Variants in DSTN observed in about 807,000 individuals in gnomAD.
The protein encoded by DSTN is destrin, actin depolymerizing factor.
A neutral mutation model predicts 16.8 loss-of-function variants in DSTN; 10 were observed. That is an observed-to-expected ratio of 0.60 (90% CI 0.37 to 1.01). The LOEUF (loss-of-function observed/expected upper bound fraction) is 1.01. DSTN is among the 50% of genes least tolerant of loss of function. The pLI, the probability that DSTN is intolerant of heterozygous loss-of-function variation, is 0.01. For missense variants in DSTN, 141 were observed against 196.7 expected (o/e 0.72, Z 1.69); for synonymous variants, 57 against 58.9 (o/e 0.97, Z 0.14).
At position 17,608,819 on chromosome 20, in the gene DSTN, T is replaced by TA. The variant is rs2035669916; in HGVS notation, c.*1674dup. The TA allele has an allele frequency of 6.6e-6, 1 of 152,256 alleles. No individual in the cohort carries two copies. The highest frequency in any genetic ancestry group is 6.5e-5 in the Admixed American group (1 of 15,286). The allele number at this position is 152,256 out of a possible 1,614,324, so 9.4% of individuals were successfully genotyped here. On this transcript the variant is annotated 3_prime_UTR_variant, in exon 4 of 4. Coordinates refer to ENST00000246069, the MANE Select transcript of DSTN (RefSeq NM_006870.4). ...TGCCATCACATGGTTAGCATTTTGA[T>TA]ACACAGCTGTGCATTATTACATGTC...
At chr20:17,606,943 G>A in intron 3 of DSTN, 94 bp from the exon 4 acceptor site, 1 of 1,213,136 alleles carries the variant, frequency 8.2e-7, no homozygotes, top group Non-Finnish European at 1.2e-6. Context: ...AGTTTATCCA[G>A]ATTAGAACTG....
chr20:17,588,042 T>C (rs1490616220), intron 1 of DSTN, among the ~76,000 whole-genome samples: 1 of 152,214 alleles, frequency 6.6e-6, no homozygotes, highest in East Asian at 1.9e-4. Flanking sequence ...CTTGCTTTTT[T>C]TCTCTTGCAC....
intron 1 of DSTN, among the ~76,000 whole-genome samples, chr20:17,574,860 C>CTT (rs1410531139): frequency 1.3e-4 from 9 of 67,204 alleles, no homozygotes; most frequent in African/African-American, 3.8e-4. Flanking sequence ...TTTTTCTTTT[C>CTT]TTTTCTTTTG....
chr20:17,604,433 A>G, intron 2 of DSTN, 122 bp from the exon 3 acceptor site: 2 of 1,021,040 alleles, frequency 2.0e-6, no homozygotes, highest in Admixed American at 2.8e-5. Context: ...TGCAGTTAAG[A>G]AAAAATATCT....
At chr20:17,583,858 T>C (rs1306383169) in intron 1 of DSTN, among the ~76,000 whole-genome samples, 1 of 142,436 alleles carries the variant, frequency 7.0e-6, no homozygotes, top group African/African-American at 2.5e-5. Context: ...CACCTCAGCC[T>C]CCTGAATAGC....
intron 1 of DSTN, among the ~76,000 whole-genome samples, chr20:17,583,730 A>ATTTTTTT (rs2035371842): frequency 3.1e-5 from 1 of 31,790 alleles, no homozygotes; most frequent in African/African-American, 7.8e-5. Context: ...ATGGGTTTGG[A>ATTTTTTT]GTTTCTTTTT....
At chr20:17,586,223 C>T (rs1568733732) in intron 1 of DSTN, among the ~76,000 whole-genome samples, 1 of 152,190 alleles carries the variant, frequency 6.6e-6, no homozygotes, top group Non-Finnish European at 1.5e-5. Context: ...CTATTGCACA[C>T]TTGATAGACT....
chr20:17,588,980 A>C (rs2035441882), intron 1 of DSTN, among the ~76,000 whole-genome samples: 1 of 152,146 alleles, frequency 6.6e-6, no homozygotes, highest in South Asian at 2.1e-4. Flanking sequence ...TCTCCAGAGA[A>C]TAAACTCCAG....
intron 1 of DSTN, chr20:17,599,447 C>T (rs1034204119): frequency 1.3e-5 from 2 of 152,298 alleles, no homozygotes; most frequent in African/African-American, 2.4e-5. Context: ...GGTCACTCCA[C>T]AGGTCCCTTT....
chr20:17,571,308 C>T (rs1271565151), intron 1 of DSTN, among the ~76,000 whole-genome samples: 1 of 152,204 alleles, frequency 6.6e-6, no homozygotes, highest in African/African-American at 2.4e-5. Context: ...CAGTTGGTAC[C>T]AGCTTATCTG....
chr20:17,588,480 G>C (rs867367317), intron 1 of DSTN, among the ~76,000 whole-genome samples: 1 of 152,116 alleles, frequency 6.6e-6, no homozygotes, highest in Non-Finnish European at 1.5e-5. Context: ...CTAAATTGAG[G>C]GGAATAAAAA....
At chr20:17,596,657 C>T in intron 1 of DSTN, 1 of 985,342 alleles carries the variant, frequency 1.0e-6, no homozygotes, top group Non-Finnish European at 1.2e-6. Flanking sequence ...AGTTTCTGTG[C>T]CAGTTTCTCC....
Position 17,584,350 on chromosome 20 carries a change from T to TA in DSTN, c.3+14146dup, listed in dbSNP as rs202066726. ...CAAAAAGGTGTGTGTATTTCTAATA[T>TA]AAAAAAATATGCTTACCTGCAGGGC... On this transcript the variant is annotated intron_variant, in intron 1 of 3. Transcript: ENST00000246069. Among the ~76,000 whole-genome samples, 1,037 of 152,118 alleles carry TA rather than the reference T, an allele frequency of 6.8e-3. 3 individuals are homozygous for TA. Among genetic ancestry groups the TA allele is most frequent in the Non-Finnish European group, 0.01 (700 of 67,972 alleles).
At chr20:17,584,905 C>T (rs1172742784) in intron 1 of DSTN, among the ~76,000 whole-genome samples, 1 of 152,186 alleles carries the variant, frequency 6.6e-6, no homozygotes, top group Admixed American at 6.5e-5. Flanking sequence ...TTAACAGCTG[C>T]ATCAGGAACT....
intron 1 of DSTN, among the ~76,000 whole-genome samples, chr20:17,589,208 C>A: frequency 6.6e-6 from 1 of 151,796 alleles, no homozygotes; most frequent in East Asian, 1.9e-4. Context: ...CCCTAACCCT[C>A]CCTCCCCCTA....
intron 1 of DSTN, among the ~76,000 whole-genome samples, chr20:17,580,554 C>G (rs1462984281): frequency 6.6e-6 from 1 of 152,138 alleles, no homozygotes; most frequent in Non-Finnish European, 1.5e-5. Flanking sequence ...TGAGACCAGC[C>G]TGGCCAACAT....
intron 2 of DSTN, among the ~76,000 whole-genome samples, chr20:17,604,150 A>T (rs1655039424): frequency 6.6e-6 from 1 of 152,218 alleles, no homozygotes; most frequent in African/African-American, 2.4e-5. Flanking sequence ...CCAACTAGAA[A>T]AACTGTCAAA....
chr20:17,573,328 T>C (rs963221436), intron 1 of DSTN, among the ~76,000 whole-genome samples: 15 of 152,228 alleles, frequency 9.9e-5, no homozygotes, highest in Middle Eastern at 3.4e-3. Flanking sequence ...GTTTTTTTTT[T>C]CCCAGGGGAG....
intron 2 of DSTN, 54 bp from the exon 3 acceptor site, chr20:17,604,501 C>G: frequency 6.5e-7 from 1 of 1,537,226 alleles, no homozygotes; most frequent in South Asian, 1.2e-5. Context: ...TAACAAGTTG[C>G]AAGTTATACT....
Sources: gnomAD v4.1 joint callset for allele counts (sites outside exome capture counted in the v4.1 genomes callset) on GRCh38, gnomAD v4.1.1 for gene constraint, MANE v1.5 for transcripts, NCBI Gene and HGNC (gene_info 2026-07-23, HGNC 2026-07-21) for gene names.